DOCK6: variants seen among roughly 807,000 people sequenced by gnomAD.
The protein encoded by DOCK6 is dedicator of cytokinesis 6.
In DOCK6, 167 loss-of-function variants were observed where a neutral mutation model predicts 230.3. The observed-to-expected ratio is 0.73, with a 90% CI of 0.64 to 0.82. The LOEUF is 0.82. DOCK6 is among the 40% of genes least tolerant of loss of function. The pLI is 0.00. For synonymous variants in DOCK6, 1,148 were observed against 1,185.0 expected, an observed-to-expected ratio of 0.97 and a Z score of 0.64; for missense variants, 2,598 against 2,825.8, an observed-to-expected ratio of 0.92 and a Z score of 1.83.
In DOCK6 at chr19:11,200,107, G is replaced by A. The variant is rs1360471330; in HGVS notation, c.6101+201C>T. On this transcript the variant is annotated intron_variant, in intron 47 of 47. Coordinates refer to ENST00000294618, the MANE Select transcript of DOCK6 (RefSeq NM_020812.4). The surrounding 1 kb of genome is among the most constrained non-coding windows in gnomAD (Gnocchi z 4.3). ...GGAGGTTGCAGTGAGCCAAGACTGT[G>A]CCAACTGCACTCCAGCCTGGGCAAC... 1.4e-5 allele frequency among the ~76,000 whole-genome samples: 2 copies of A among 146,826 alleles called. No homozygotes were observed. The highest frequency in any genetic ancestry group is 3.0e-5 in the Non-Finnish European group (2 of 67,622).
chr19:11,237,291 T>C (rs983952312), intron 18 of DOCK6, 165 bp downstream of exon 18: 7 of 705,492 alleles, frequency 9.9e-6, no homozygotes, highest in Non-Finnish European at 1.7e-5. Flanking sequence ...GGAGGACATG[T>C]AGGACACAGA....
intron 28 of DOCK6, among the ~76,000 whole-genome samples, chr19:11,219,827 C>T (rs2079553949): frequency 6.6e-6 from 1 of 151,796 alleles, no homozygotes; most frequent in South Asian, 2.1e-4. Context: ...ATCAAAACAA[C>T]CATATGGAGA....
At chr19:11,247,120 CTTTG>C (rs971087921) in intron 7 of DOCK6, 4 of 152,218 alleles carry the variant, frequency 2.6e-5, no homozygotes, top group Admixed American at 6.6e-5. Flanking sequence ...ATTTTTGTTT[CTTTG>C]TTTGTTTGAG....
intron 22 of DOCK6, chr19:11,229,339 A>C: frequency 8.7e-7 from 1 of 1,153,614 alleles, no homozygotes; most frequent in Non-Finnish European, 1.1e-6. Flanking sequence ...GGTGGGGCCG[A>C]GGAGGAACCC....
chr19:11,221,978 G>A lies in DOCK6; in HGVS notation c.3423C>T (p.Ser1141=), dbSNP rs2079587230. The change falls in exon 28 of 48, where the codon AGC becomes AGT. Residue 1141 remains serine, a synonymous_variant. Coordinates refer to ENST00000294618, the MANE Select transcript of DOCK6 (RefSeq NM_020812.4). ...GGTCAGTGTCATGGCCACATAGCAG[G>A]CTGTGCACAGCACTGATGGCCTTCT... ...LHKKAISAVH[S]LLCGHDTDPR... 2 of 1,613,840 alleles carry A rather than the reference G, an allele frequency of 1.2e-6. No homozygotes were observed. The highest frequency in any genetic ancestry group is 4.5e-5 in the East Asian group (2 of 44,886).
At chr19:11,252,762 A>G (rs1599288282) in intron 3 of DOCK6, 21 bp downstream of exon 3, 2 of 1,599,046 alleles carry the variant, frequency 1.3e-6, no homozygotes, top group East Asian at 4.5e-5. Flanking sequence ...ACAGGCAGAG[A>G]GGGCGTGGGG....
intron 1 of DOCK6, among the ~76,000 whole-genome samples, chr19:11,262,074 T>A (rs565856683): frequency 1.3e-5 from 2 of 151,948 alleles, no homozygotes; most frequent in Non-Finnish European, 2.9e-5. Context: ...CGCAGGGAGT[T>A]CAGGGGGCGC....
chr19:11,224,930 G>A (rs1568236756), intron 24 of DOCK6, among the ~76,000 whole-genome samples: 1 of 152,156 alleles, frequency 6.6e-6, no homozygotes, highest in African/African-American at 2.4e-5. Flanking sequence ...CAGGGGTGGT[G>A]GTGGGCGCCT....
intron 21 of DOCK6, 22 bp downstream of exon 21, chr19:11,235,574 TCA>T (rs1261005769): frequency 1.0e-5 from 16 of 1,556,626 alleles, no homozygotes; most frequent in Admixed American, 1.8e-5. Context: ...ATTTCTCGTC[TCA>T]CAGGGATTTC....
chr19:11,258,245 A>G (rs1344651629), intron 1 of DOCK6, among the ~76,000 whole-genome samples: 1 of 152,182 alleles, frequency 6.6e-6, no homozygotes, highest in South Asian at 2.1e-4. Flanking sequence ...ACATGGATGC[A>G]ACACCTCATG....
At position 11,243,631 on chromosome 19, in the gene DOCK6, G is replaced by T; in HGVS notation, c.1184C>A (p.Ala395Asp). The T allele has an allele frequency of 6.2e-7, 1 of 1,612,494 alleles. No homozygotes were observed. Among genetic ancestry groups the T allele is most frequent in the African/African-American group, 1.3e-5 (1 of 75,052 alleles). Residue 395 changes from alanine to aspartate, a missense_variant, in exon 11 of 48, where the codon GCC (alanine) becomes GAC (aspartate). Coordinates refer to ENST00000294618, the MANE Select transcript of DOCK6 (RefSeq NM_020812.4). The surrounding 1 kb of genome is among the most constrained non-coding windows in gnomAD (Gnocchi z 6.3). The stretch of plus-strand genomic sequence containing the variant: ...GTTGGCCAAGTGCACGGCCGTCCAG[G>T]CGAAGGGCATGCGGTAGCGGCCCAG... ...TRLGRYRMPF[A>D]WTAVHLANIV...
At chr19:11,221,527 T>A (rs1343063164) in intron 28 of DOCK6, 1 of 286,636 alleles carries the variant, frequency 3.5e-6, no homozygotes, top group Non-Finnish European at 6.6e-6. Flanking sequence ...TGTTCCCTAC[T>A]TTTTGCTCTT....
intron 1 of DOCK6, among the ~76,000 whole-genome samples, chr19:11,255,843 G>A (rs1186938344): frequency 1.3e-5 from 2 of 152,118 alleles, no homozygotes; most frequent in African/African-American, 4.8e-5. Flanking sequence ...CTGGAGTGCA[G>A]TGGCGCAATC....
intron 1 of DOCK6, 192 bp from the exon 2 acceptor site, chr19:11,253,918 T>C: frequency 2.0e-6 from 1 of 493,300 alleles, no homozygotes; most frequent in South Asian, 3.2e-5. Flanking sequence ...CAAGCACAGA[T>C]CAGGAGATGA....
At position 11,200,792 on chromosome 19, in the gene DOCK6, C is replaced by T; in HGVS notation, c.5863G>A (p.Ala1955Thr). Residue 1955 changes from alanine to threonine, a missense_variant, in exon 46 of 48, where the codon GCA becomes ACA. Transcript: ENST00000294618. This position sits in a 1 kb window ranked among gnomAD's most constrained non-coding sequence, Gnocchi z 4.3. ...AGCTTGGGGTCTTCCGGGATCTCTG[C>T]TAAAAACACCTGGGCCACCTCCAGG... ...GPLEVAQVFL[A>T]EIPEDPKLFR... is the part of the protein sequence containing the mutation. The T allele has an allele frequency of 6.2e-7, 1 of 1,613,162 alleles. No individual in the cohort carries two copies.
In DOCK6 at chr19:11,236,814, G is replaced by A. The variant is rs759551838; in HGVS notation, c.2139C>T (p.Ala713=). ...GTACCTGGGGGTGCACAGAGGACAC[G>A]GCTGTGAGCTCCACACTGAACACGC... The part of the protein sequence containing the change: ...HKGVFSVELT[A]VSSVHPQDPY... Residue 713 remains alanine (A), a synonymous_variant, in exon 19 of 48, where the codon GCC becomes GCT. Coordinates refer to ENST00000294618, the MANE Select transcript of DOCK6 (RefSeq NM_020812.4). The surrounding 1 kb of genome is among the most constrained non-coding windows in gnomAD (Gnocchi z 5.2). 7 of 1,554,042 alleles carry A rather than the reference G, an allele frequency of 4.5e-6. No homozygotes were observed. The highest frequency in any genetic ancestry group is 2.7e-5 in the African/African-American group (2 of 73,062).
intron 21 of DOCK6, among the ~76,000 whole-genome samples, chr19:11,233,701 T>C (rs928415485): frequency 1.3e-5 from 2 of 152,136 alleles, no homozygotes; most frequent in African/African-American, 4.8e-5. Context: ...TAGCCGGGCA[T>C]GGCAGTGCGC....
chr19:11,213,325 G>T lies in DOCK6; in HGVS notation c.4342C>A (p.Pro1448Thr), dbSNP rs752588379. Reference protein sequence around the residue: ...ATQRALVSKFPELLFEEDTEL... With the variant: ...ATQRALVSKFTELLFEEDTEL... ...GTGTCCTCCTCGAACAGCAGCTCCG[G>T]GAACTGCCCCCAAGGACCCAGACAG... Residue 1448 changes from proline (P) to threonine (T), a missense_variant, in exon 35 of 48, where the codon CCG becomes ACG. By Grantham distance (38) the Pro-to-Thr change is conservative. Coordinates refer to ENST00000294618, the MANE Select transcript of DOCK6 (RefSeq NM_020812.4). The T allele has an allele frequency of 1.2e-5, 20 of 1,610,576 alleles. No homozygotes were observed. The highest frequency in any genetic ancestry group is 4.4e-5 in the South Asian group (4 of 90,798).
Position 11,237,632 on chromosome 19 carries a change from A to C in DOCK6, c.1971+9T>G. 1.3e-6 allele frequency: 2 copies of C among 1,588,688 alleles called. No homozygotes were observed. Among genetic ancestry groups the C allele is most frequent in the Non-Finnish European group, 1.7e-6 (2 of 1,168,620 alleles). On this transcript the variant is annotated intron_variant, in intron 17 of 47. Coordinates refer to ENST00000294618, the MANE Select transcript of DOCK6 (RefSeq NM_020812.4). ...GGGCTCAGGGGGAGGGAGGGAGGGG[A>C]CGGCTCACAGTAAAGCCCACGGGTG...
Sources: gnomAD v4.1 joint callset for allele counts (sites outside exome capture counted in the v4.1 genomes callset) on GRCh38, gnomAD v4.1.1 for gene constraint, Gnocchi (gnomAD v3.1) non-coding constraint, MANE v1.5 for transcripts, NCBI Gene and HGNC (gene_info 2026-07-23, HGNC 2026-07-21) for gene names.